The following COMMD1 variants were observed in gnomAD, a reference collection of about 807,000 sequenced individuals.
COMMD1 encodes copper metabolism domain containing 1, also known as COMM domain-containing protein 1.
A neutral mutation model predicts 17.2 loss-of-function variants in COMMD1; 10 were observed. That is an observed-to-expected ratio of 0.58 (90% CI 0.36 to 0.99). COMMD1 has a LOEUF of 0.99. Ranked by LOEUF, COMMD1 falls within the 50% of genes least tolerant of loss-of-function variation. The probability of loss-of-function intolerance (pLI) is 0.01; values close to 1 mark genes in which losing one functional copy is unlikely to be tolerated. For synonymous variants in COMMD1, 97 were observed against 91.6 expected (o/e 1.06, Z -0.34); for missense variants, 270 against 231.8 (o/e 1.17, Z -1.07).
chr2:61,890,449 G>C (rs1005716910), intron 1 of COMMD1, among the ~76,000 whole-genome samples: 2 of 152,070 alleles, frequency 1.3e-5, no homozygotes, highest in African/African-American at 4.8e-5. Context: ...GAACTCCCGA[G>C]CTCAGGTGAT....
At chr2:61,891,653 G>T (rs374003030) in intron 1 of COMMD1, among the ~76,000 whole-genome samples, 1 of 151,588 alleles carries the variant, frequency 6.6e-6, no homozygotes, top group African/African-American at 2.4e-5. Context: ...ACTTGAACTC[G>T]GGAGGCAGAG....
intron 2 of COMMD1, among the ~76,000 whole-genome samples, chr2:62,051,117 C>G (rs896111357): frequency 2.6e-5 from 4 of 152,064 alleles, no homozygotes; most frequent in African/African-American, 4.8e-5. Context: ...ACCCTTTGCT[C>G]TATGCTTTTA....
At chr2:62,043,510 G>C (rs575480029) in intron 2 of COMMD1, among the ~76,000 whole-genome samples, 1 of 152,264 alleles carries the variant, frequency 6.6e-6, no homozygotes, top group African/African-American at 2.4e-5. Flanking sequence ...GCTTATGACA[G>C]TATTAGGCTT....
chr2:62,011,709 T>G lies in COMMD1; in HGVS notation c.462+10727T>G, dbSNP rs1032964112. ...GGAGCTCACAGTGAAAGAAAGTTGT[T>G]AATAATTAGTGTAAGAAATTTTATC... On this transcript the variant is annotated intron_variant, in intron 2 of 2. Transcript: ENST00000311832. 2.6e-5 allele frequency among the ~76,000 whole-genome samples: 4 copies of G among 152,296 alleles called. No homozygotes were observed. In the East Asian group the frequency reaches 7.7e-4, roughly 29 times the overall value.
intron 1 of COMMD1, among the ~76,000 whole-genome samples, chr2:61,996,314 ATGTGTGTG>A (rs70946774): frequency 0.021 from 3,009 of 142,300 alleles, 58 homozygotes; most frequent in East Asian, 0.094. Flanking sequence ...TGTTTTCTAA[ATGTGTGTG>A]TGTGTGTGTG....
intron 1 of COMMD1, among the ~76,000 whole-genome samples, chr2:61,944,732 A>G (rs1241755172): frequency 6.6e-6 from 1 of 152,048 alleles, no homozygotes; most frequent in Admixed American, 6.6e-5. Context: ...TCTGCCCATC[A>G]CTCGTGAAAA....
intron 1 of COMMD1, among the ~76,000 whole-genome samples, chr2:61,912,642 G>A (rs997803590): frequency 6.6e-6 from 1 of 151,948 alleles, no homozygotes; most frequent in Non-Finnish European, 1.5e-5. Flanking sequence ...GGCTGAGGCA[G>A]GAGAATTGCT....
intron 2 of COMMD1, among the ~76,000 whole-genome samples, chr2:62,116,746 G>T (rs1672617622): frequency 6.6e-6 from 1 of 150,636 alleles, no homozygotes; most frequent in Non-Finnish European, 1.5e-5. Flanking sequence ...CAGCACTTTG[G>T]GAAGCTGAGG....
chr2:62,063,548 A>G (rs925187622), intron 2 of COMMD1, among the ~76,000 whole-genome samples: 4 of 152,186 alleles, frequency 2.6e-5, no homozygotes, highest in Non-Finnish European at 4.4e-5. Flanking sequence ...AGTGTAATCA[A>G]AATACAAATT....
chr2:62,053,611 G>T (rs541685514), intron 2 of COMMD1, among the ~76,000 whole-genome samples: 1 of 152,280 alleles, frequency 6.6e-6, no homozygotes, highest in African/African-American at 2.4e-5. Flanking sequence ...TTTTAGGGAT[G>T]ACTGTAATGA....
At chr2:62,053,071 C>G (rs922233966) in intron 2 of COMMD1, among the ~76,000 whole-genome samples, 1 of 152,050 alleles carries the variant, frequency 6.6e-6, no homozygotes, top group Non-Finnish European at 1.5e-5. Flanking sequence ...CAGAGAGATC[C>G]TGTCTCAAAA....
At chr2:61,893,668 G>T (rs957232312) in intron 1 of COMMD1, among the ~76,000 whole-genome samples, 1 of 152,130 alleles carries the variant, frequency 6.6e-6, no homozygotes. Context: ...ACAAAAATTA[G>T]CTGGGCATGG....
chr2:62,131,609 CT>C, intron 2 of COMMD1, among the ~76,000 whole-genome samples: 1 of 152,216 alleles, frequency 6.6e-6, no homozygotes, highest in South Asian at 2.1e-4. Context: ...GTGGCATGAT[CT>C]TGGCTCACTG....
intron 1 of COMMD1, among the ~76,000 whole-genome samples, chr2:61,998,261 T>G (rs1668821873): frequency 6.6e-6 from 1 of 150,406 alleles, no homozygotes; most frequent in Non-Finnish European, 1.5e-5. Flanking sequence ...TTTTTTTTTT[T>G]TTTTTGTTTG....
At chr2:62,119,185 C>T (rs535623625) in intron 2 of COMMD1, among the ~76,000 whole-genome samples, 4 of 152,196 alleles carry the variant, frequency 2.6e-5, no homozygotes, top group South Asian at 2.1e-4. Flanking sequence ...AAGAAAAGGC[C>T]GTGAGAGAAG....
intron 2 of COMMD1, among the ~76,000 whole-genome samples, chr2:62,111,410 A>G (rs1672451019): frequency 6.6e-6 from 1 of 152,222 alleles, no homozygotes. Flanking sequence ...TAAAGAATGG[A>G]CAGTTGCGTA....
In COMMD1 at chr2:61,905,696, T is replaced by G; in HGVS notation, c.18T>G (p.Leu6=). 1 of 1,578,464 alleles carries G rather than the reference T, an allele frequency of 6.3e-7. No individual in the cohort carries two copies. The part of the protein sequence containing the change: MAAGE[L]EGGKPLSGLL... The stretch of plus-strand genomic sequence containing the variant: ...CGCAGAGCATGGCGGCGGGCGAGCT[T>G]GAGGGTGGCAAACCCCTGAGCGGGC... The change falls in exon 1 of 3, where the codon CTT becomes CTG. Residue 6 remains leucine (L), a synonymous_variant. Transcript: ENST00000311832.
At chr2:61,890,579 G>A (rs528523480) in intron 1 of COMMD1, among the ~76,000 whole-genome samples, 18 of 152,156 alleles carry the variant, frequency 1.2e-4, no homozygotes, top group African/African-American at 4.3e-4. Flanking sequence ...AGTAGCTCAC[G>A]CCTGTAATCC....
intron 1 of COMMD1, among the ~76,000 whole-genome samples, chr2:61,974,298 A>T (rs1671732445): frequency 6.6e-6 from 1 of 152,028 alleles, no homozygotes; most frequent in Non-Finnish European, 1.5e-5. Context: ...AGAAGTTTAT[A>T]TGATGGAATT....
Sources: allele counts gnomAD v4.1 joint callset (sites outside exome capture counted in the v4.1 genomes callset), GRCh38; gene constraint gnomAD v4.1.1; transcripts MANE v1.5; gene names NCBI Gene and HGNC (gene_info 2026-07-23, HGNC 2026-07-21).